The following CATSPERB variants were observed in gnomAD, a reference collection of about 807,000 sequenced individuals.
The protein encoded by CATSPERB is catsper channel auxiliary subunit beta.
In CATSPERB, 93 loss-of-function variants were observed where a neutral mutation model predicts 128.3. The ratio of observed to expected loss-of-function variants is 0.72; its 90% CI spans 0.61 to 0.86. The LOEUF (loss-of-function observed/expected upper bound fraction) is 0.86, where lower values mean the gene tolerates loss of function less well. CATSPERB is among the 40% of genes least tolerant of loss of function. The probability of loss-of-function intolerance (pLI) is 0.00; values close to 1 mark genes in which losing one functional copy is unlikely to be tolerated. For missense variants in CATSPERB, 1,153 were observed against 1,329.5 expected, an observed-to-expected ratio of 0.87 and a Z score of 2.06; for synonymous variants, 381 against 448.8, an observed-to-expected ratio of 0.85 and a Z score of 1.91.
intron 15 of CATSPERB, among the ~76,000 whole-genome samples, chr14:91,645,871 G>A (rs1237861641): frequency 1.1e-4 from 16 of 150,126 alleles, no homozygotes; most frequent in South Asian, 2.2e-4. Context: ...TTCCGTGGGC[G>A]TAGGACCCTC....
intron 7 of CATSPERB, among the ~76,000 whole-genome samples, chr14:91,694,810 G>C (rs1895532989): frequency 1.3e-5 from 2 of 152,206 alleles, no homozygotes; most frequent in African/African-American, 4.8e-5. Flanking sequence ...TCATAGGTAG[G>C]AATGTCTAGA....
At chr14:91,636,402 T>C (rs1349968259) in intron 17 of CATSPERB, 23 bp downstream of exon 17, 3 of 1,604,708 alleles carry the variant, frequency 1.9e-6, no homozygotes, top group Non-Finnish European at 1.7e-6. Context: ...CAATATGCCA[T>C]CTAAATAAAT....
chr14:91,697,122 T>G (rs1224774137), intron 7 of CATSPERB, among the ~76,000 whole-genome samples: 2 of 152,142 alleles, frequency 1.3e-5, no homozygotes, highest in East Asian at 1.9e-4. Context: ...AGATTCATGA[T>G]CATGAATTTA....
intron 11 of CATSPERB, among the ~76,000 whole-genome samples, chr14:91,682,199 C>T (rs1284072362): frequency 6.6e-6 from 1 of 152,138 alleles, no homozygotes; most frequent in Non-Finnish European, 1.5e-5. Context: ...ACCCATTTCC[C>T]TTTCATGGCC....
intron 15 of CATSPERB, among the ~76,000 whole-genome samples, chr14:91,658,168 A>T (rs764757961): frequency 6.6e-6 from 1 of 152,152 alleles, no homozygotes; most frequent in African/African-American, 2.4e-5. Flanking sequence ...TAAAGAAAAT[A>T]TGGTACATAT....
chr14:91,625,717 A>C (rs1299856174), intron 17 of CATSPERB, among the ~76,000 whole-genome samples: 1 of 152,240 alleles, frequency 6.6e-6, no homozygotes, highest in Non-Finnish European at 1.5e-5. Flanking sequence ...GGAAATTTCT[A>C]TACTGAGCAT....
intron 15 of CATSPERB, among the ~76,000 whole-genome samples, chr14:91,644,457 C>T (rs978914374): frequency 6.8e-6 from 1 of 147,426 alleles, no homozygotes; most frequent in Non-Finnish European, 1.5e-5. Flanking sequence ...TTTTATTTCT[C>T]CTTCACTTAT....
At chr14:91,586,571 A>AAAGAGAGAGAGAGAGAGAGAGAGAG (rs1555358774) in intron 26 of CATSPERB, among the ~76,000 whole-genome samples, 52 of 114,232 alleles carry the variant, frequency 4.6e-4, no homozygotes, top group African/African-American at 1.8e-3. Context: ...GAGAGAGAGA[A>AAAGAGAGAGAGAGAGAGAGAGAGAG]AGAGAGAGAG....
intron 17 of CATSPERB, among the ~76,000 whole-genome samples, chr14:91,626,845 G>T (rs1357665697): frequency 6.6e-6 from 1 of 152,186 alleles, no homozygotes; most frequent in African/African-American, 2.4e-5. Context: ...CCATCTTCAT[G>T]CAATGACTGT....
In CATSPERB at chr14:91,731,987, T is replaced by G. The variant is rs1896221420; in HGVS notation, c.-58A>C. ...TCTTTTTTATATTTTTTCTCAGTTT[T>G]CTTCCATATAGACTGAGAAGAAAGA... On this transcript the variant is annotated 5_prime_UTR_variant, in exon 1 of 27. Coordinates refer to ENST00000256343, the MANE Select transcript of CATSPERB (RefSeq NM_024764.4). The G allele has an allele frequency of 6.6e-6, 1 of 152,664 alleles. No homozygotes were observed. The highest frequency in any genetic ancestry group is 1.5e-5 in the Non-Finnish European group (1 of 68,050). The allele number at this position is 152,664 out of a possible 1,614,324, so 9.5% of individuals were successfully genotyped here. A position where few individuals can be genotyped will look rare whatever the true frequency, so the allele number is the denominator to read the frequency against.
Position 91,723,169 on chromosome 14 carries a change from T to C in CATSPERB, c.189A>G (p.Gln63=). The C allele has an allele frequency of 6.7e-7, 1 of 1,493,880 alleles. No individual in the cohort carries two copies. The highest frequency in any genetic ancestry group is 1.5e-5 in the South Asian group (1 of 68,430). 92.5% of individuals were successfully genotyped at this position (1,493,880 alleles called of 1,614,324 possible). ...CTTTTGATGCAATTTCATTTTCAGTTTGGAAGAAACACTGGATTTTCTTTA... is the reference window on the plus strand; with the variant it reads ...CTTTTGATGCAATTTCATTTTCAGTCTGGAAGAAACACTGGATTTTCTTTA... ...LENLKIQCFF[Q]TENEIASKAM... Residue 63 remains glutamine, a synonymous_variant, in exon 4 of 27, where the codon CAA becomes CAG. Transcript: ENST00000256343.
chr14:91,689,162 C>T (rs1259247531), intron 10 of CATSPERB, among the ~76,000 whole-genome samples: 1 of 152,174 alleles, frequency 6.6e-6, no homozygotes, highest in Non-Finnish European at 1.5e-5. Context: ...GCAGCTCTCC[C>T]GGTAGGCCCA....
chr14:91,662,808 C>T (rs945961546), intron 14 of CATSPERB, among the ~76,000 whole-genome samples: 6 of 152,210 alleles, frequency 3.9e-5, no homozygotes, highest in Admixed American at 3.3e-4. Flanking sequence ...ACTCCATCAT[C>T]TCTTCACGTA....
chr14:91,690,477 T>C (rs1211247419), intron 10 of CATSPERB, among the ~76,000 whole-genome samples: 3 of 152,172 alleles, frequency 2.0e-5, no homozygotes, highest in Non-Finnish European at 4.4e-5. Context: ...TACTCCTTCA[T>C]GGGAATTTCT....
intron 15 of CATSPERB, 118 bp from the exon 16 acceptor site, chr14:91,639,368 G>T: frequency 1.3e-6 from 1 of 797,174 alleles, no homozygotes; most frequent in East Asian, 2.7e-5. Context: ...AGGGCCCTGA[G>T]ACTCCTGAAT....
At chr14:91,661,326 C>G (rs1394611627) in intron 14 of CATSPERB, among the ~76,000 whole-genome samples, 1 of 151,986 alleles carries the variant, frequency 6.6e-6, no homozygotes, top group African/African-American at 2.4e-5. Context: ...GTCCTATAGT[C>G]TCCAACTTAT....
intron 7 of CATSPERB, among the ~76,000 whole-genome samples, chr14:91,694,923 C>T (rs1054542351): frequency 3.3e-5 from 5 of 152,086 alleles, no homozygotes; most frequent in Non-Finnish European, 5.9e-5. Flanking sequence ...GGCAATCTAA[C>T]GCATATACTT....
intron 19 of CATSPERB, 77 bp downstream of exon 19, chr14:91,621,531 G>A: frequency 8.6e-7 from 1 of 1,158,714 alleles, no homozygotes. Flanking sequence ...AAGTCAGTCA[G>A]TATCAAAGAG....
chr14:91,713,285 G>GA (rs35911352), intron 5 of CATSPERB, among the ~76,000 whole-genome samples: 13 of 148,990 alleles, frequency 8.7e-5, no homozygotes, highest in South Asian at 4.3e-4. Flanking sequence ...AACAAACTAG[G>GA]AAAAAAAAAA....
Sources: gnomAD v4.1 joint callset for allele counts (sites outside exome capture counted in the v4.1 genomes callset) on GRCh38, gnomAD v4.1.1 for gene constraint, MANE v1.5 for transcripts, NCBI Gene and HGNC (gene_info 2026-07-23, HGNC 2026-07-21) for gene names.